NAV2: variants seen among roughly 807,000 people sequenced by gnomAD.
The protein encoded by NAV2 is helicase, APC down-regulated 1.
Under a neutral mutation model 223.2 loss-of-function variants are expected in NAV2, and 54 were observed. The ratio of observed to expected loss-of-function variants is 0.24; its 90% CI spans 0.19 to 0.30. The LOEUF is 0.30. Ranked by LOEUF, NAV2 falls within the 10% of genes least tolerant of loss-of-function variation. NAV2 has a pLI of 1.00. For synonymous variants in NAV2, 1,279 were observed against 1,239.3 expected, an observed-to-expected ratio of 1.03 and a Z score of -0.67; for missense variants, 2,806 against 3,147.5, an observed-to-expected ratio of 0.89 and a Z score of 2.60.
intron 30 of NAV2, among the ~76,000 whole-genome samples, chr11:20,096,582 C>T (rs1186847253): frequency 6.6e-6 from 1 of 152,178 alleles, no homozygotes; most frequent in African/African-American, 2.4e-5. Flanking sequence ...TAGAATTAGA[C>T]CCCGTTGGTC....
intron 29 of NAV2, among the ~76,000 whole-genome samples, chr11:20,095,034 T>A (rs1269866850): frequency 1.3e-5 from 2 of 152,222 alleles, no homozygotes; most frequent in Non-Finnish European, 2.9e-5. Flanking sequence ...TCCCAGAGTT[T>A]TACTAGTTTT....
intron 3 of NAV2, 85 bp downstream of exon 3, chr11:19,843,008 T>G: frequency 9.0e-7 from 1 of 1,116,608 alleles, no homozygotes; most frequent in Non-Finnish European, 1.4e-6. Context: ...AAAACATTCA[T>G]ACCAGATGCT....
chr11:19,897,510 T>C (rs2042086817), intron 6 of NAV2, among the ~76,000 whole-genome samples: 1 of 152,188 alleles, frequency 6.6e-6, no homozygotes, highest in Non-Finnish European at 1.5e-5. Context: ...CATCACTGAA[T>C]TTAGTTCTGG....
rs753370358 is a variant in NAV2 at position 20,093,129 on chromosome 11, C to T, written c.5846C>T (p.Ser1949Leu). ...DMLLDDTGECSARKEGGRHVK... is the reference protein window; with the variant it reads ...DMLLDDTGECLARKEGGRHVK... ...TTGCTGGATGACACTGGTGAATGCTCGGCTCGGAAGGAAGGAGGCAGGCAT... is the reference window on the plus strand; with the variant it reads ...TTGCTGGATGACACTGGTGAATGCTTGGCTCGGAAGGAAGGAGGCAGGCAT... The change falls in exon 29 of 38, where the codon TCG (serine) becomes TTG (leucine). Residue 1949 changes from serine to leucine, a missense_variant. Ser to Leu is a moderately radical substitution (Grantham distance 145). Coordinates refer to ENST00000349880, the MANE Select transcript of NAV2 (RefSeq NM_145117.5). 21 of 1,613,804 alleles carry T rather than the reference C, an allele frequency of 1.3e-5. No individual in the cohort carries two copies. Among genetic ancestry groups the T allele is most frequent in the Non-Finnish European group, 1.8e-5 (21 of 1,179,968 alleles).
intron 12 of NAV2, among the ~76,000 whole-genome samples, chr11:20,042,230 AGTACTTGT>A (rs1203923235): frequency 2.0e-5 from 3 of 152,368 alleles, no homozygotes; most frequent in African/African-American, 7.2e-5. Flanking sequence ...ACAGTACTTG[AGTACTTGT>A]GTACTTACCC....
At chr11:19,553,482 C>T (rs1016778190) in intron 1 of NAV2, among the ~76,000 whole-genome samples, 11 of 150,908 alleles carry the variant, frequency 7.3e-5, no homozygotes, top group African/African-American at 2.5e-4. Context: ...GAGCCTTCAT[C>T]TGAGCACCAA....
chr11:19,447,068 A>G (rs1851613255), intron 1 of NAV2, among the ~76,000 whole-genome samples: 1 of 152,190 alleles, frequency 6.6e-6, no homozygotes, highest in Non-Finnish European at 1.5e-5. Flanking sequence ...CCCGGAATCA[A>G]GAAGATTTTG....
In NAV2 at chr11:20,111,014, G is replaced by A. The variant is rs1378980952; in HGVS notation, c.6960+3232G>A. Among the ~76,000 whole-genome samples the A allele has an allele frequency of 4.6e-5, 7 of 152,256 alleles. No homozygotes were observed. The East Asian group carries it at 1.4e-3, about 29-fold the overall frequency. On this transcript the variant is annotated intron_variant, in intron 36 of 37. Transcript: ENST00000349880. ...ATCAGGGGATGAGGATGGCTTCCAG[G>A]TAGCCCCTCCCACAGGTACACCCGT...
rs946944487 is a variant in NAV2, at chr11:20,121,069, G to C, written c.*2811G>C. The C allele has an allele frequency of 1.1e-4, 17 of 152,340 alleles. No individual in the cohort carries two copies. The highest frequency in any genetic ancestry group is 2.5e-4 in the Non-Finnish European group (17 of 68,034). 9.4% of individuals were successfully genotyped at this position (152,340 alleles called of 1,614,324 possible). On this transcript the variant is annotated 3_prime_UTR_variant, in exon 38 of 38. Transcript: ENST00000349880. The stretch of plus-strand genomic sequence containing the variant: ...TAGGGGTGGGGTGGGAGTGGGACAG[G>C]AACAAGACTTGCCTAGATCTTTGTT...
chr11:19,753,751 C>G (rs2054026149), intron 1 of NAV2, among the ~76,000 whole-genome samples: 1 of 152,236 alleles, frequency 6.6e-6, no homozygotes, highest in Non-Finnish European at 1.5e-5. Flanking sequence ...TATCTTCTGC[C>G]CTCTCCACTA....
At chr11:19,885,921 A>G (rs1311392497) in intron 5 of NAV2, among the ~76,000 whole-genome samples, 2 of 152,084 alleles carry the variant, frequency 1.3e-5, no homozygotes, top group South Asian at 2.1e-4. Flanking sequence ...CTTTTTTTAG[A>G]CAGGGTCTTG....
At chr11:19,749,612 C>T (rs1441377150) in intron 1 of NAV2, among the ~76,000 whole-genome samples, 2 of 152,070 alleles carry the variant, frequency 1.3e-5, no homozygotes, top group Admixed American at 6.5e-5. Flanking sequence ...CAGGGATTAC[C>T]GAGATGGAAA....
intron 1 of NAV2, among the ~76,000 whole-genome samples, chr11:19,532,345 C>T (rs1418076806): frequency 6.6e-6 from 1 of 152,166 alleles, no homozygotes; most frequent in Non-Finnish European, 1.5e-5. Flanking sequence ...GGACTGTTTT[C>T]TCATCAGTAA....
chr11:19,509,846 A>G (rs2043224406), intron 1 of NAV2, among the ~76,000 whole-genome samples: 1 of 138,256 alleles, frequency 7.2e-6, no homozygotes, highest in Non-Finnish European at 1.6e-5. Flanking sequence ...CAAAACATCC[A>G]ACTGGAAAGA....
intron 1 of NAV2, among the ~76,000 whole-genome samples, chr11:19,409,540 GCAC>G (rs1850050556): frequency 6.6e-6 from 1 of 152,164 alleles, no homozygotes. Context: ...AAGGAATGCA[GCAC>G]TAGAGGCCTG....
chr11:19,918,170 C>A (rs1478729749), intron 6 of NAV2, among the ~76,000 whole-genome samples: 1 of 152,194 alleles, frequency 6.6e-6, no homozygotes, highest in Admixed American at 6.5e-5. Context: ...TCTTTTCCTG[C>A]CTTCATCTTC....
chr11:19,824,830 A>T (rs542582513), intron 1 of NAV2, among the ~76,000 whole-genome samples: 1 of 152,348 alleles, frequency 6.6e-6, no homozygotes, highest in South Asian at 2.1e-4. Context: ...CTTGATAACA[A>T]ATGGTGCATT....
At chr11:19,582,920 A>T (rs1309904637) in intron 1 of NAV2, among the ~76,000 whole-genome samples, 1 of 152,224 alleles carries the variant, frequency 6.6e-6, no homozygotes, top group Non-Finnish European at 1.5e-5. Context: ...GAAGAAAGTC[A>T]TTGATAGCTT....
intron 8 of NAV2, among the ~76,000 whole-genome samples, chr11:19,945,080 TTTCTC>T (rs1257968201): frequency 2.1e-5 from 3 of 143,790 alleles, no homozygotes; most frequent in African/African-American, 7.7e-5. Context: ...TTCCTTTTCT[TTTCTC>T]TTTTCTTCTC....
Sources: allele counts gnomAD v4.1 joint callset (sites outside exome capture counted in the v4.1 genomes callset), GRCh38; gene constraint gnomAD v4.1.1; transcripts MANE v1.5; gene names NCBI Gene and HGNC (gene_info 2026-07-23, HGNC 2026-07-21).